SLC29A4: variants seen among roughly 807,000 people sequenced by gnomAD.
The protein encoded by SLC29A4 is equilibrative nucleoside transporter 4.
In SLC29A4, 36 loss-of-function variants were observed where a neutral mutation model predicts 43.9. That is an observed-to-expected ratio of 0.82 (90% CI 0.63 to 1.08). The LOEUF (loss-of-function observed/expected upper bound fraction) is 1.08, where lower values mean the gene tolerates loss of function less well. SLC29A4 is among the 50% of genes least tolerant of loss of function. The pLI is 0.00. For missense variants in SLC29A4, 869 were observed against 755.3 expected, an observed-to-expected ratio of 1.15 and a Z score of -1.77; for synonymous variants, 491 against 338.0, an observed-to-expected ratio of 1.45 and a Z score of -4.97.
chr7:5,283,134 C>G (rs1784746774), intron 1 of SLC29A4, 52 bp downstream of exon 1: 1 of 149,762 alleles, frequency 6.7e-6, no homozygotes, highest in Admixed American at 6.6e-5. Flanking sequence ...CCTGTCGGAG[C>G]CTTTGTCTGC....
At chr7:5,286,877 C>T (rs1391816418) in intron 1 of SLC29A4, among the ~76,000 whole-genome samples, 1 of 152,244 alleles carries the variant, frequency 6.6e-6, no homozygotes, top group African/African-American at 2.4e-5. Flanking sequence ...GCAGCTTCCT[C>T]CCAGAGGACA....
Position 5,296,973 on chromosome 7 carries a change from C to G in SLC29A4, c.657C>G (p.Leu219=), listed in dbSNP as rs773912373. Reference sequence around the variant, plus strand: ...TGATGATCTCTCTGAGCCGCATCCTCACGAAGCTGCTGCTGCCCGACGAGC... The same window carrying G: ...TGATGATCTCTCTGAGCCGCATCCTGACGAAGCTGCTGCTGCCCGACGAGC... ...AGVMISLSRI[L]TKLLLPDERA... Residue 219 remains leucine, a synonymous_variant, in exon 7 of 11, where the codon CTC becomes CTG. Transcript: ENST00000396872. The G allele has an allele frequency of 1.2e-6, 2 of 1,600,692 alleles. No individual in the cohort carries two copies. Among genetic ancestry groups the G allele is most frequent in the Non-Finnish European group, 1.7e-6 (2 of 1,179,164 alleles).
rs1216337543 is a variant in SLC29A4, at chr7:5,291,070, T to TC, written c.302-53dup. 1.9e-6 allele frequency: 3 copies of TC among 1,591,754 alleles called. No homozygotes were observed. In the African/African-American group the frequency reaches 4.0e-5, roughly 21 times the overall value. ...TCTGGGAGGTCTCACCTGGCAGGAG[T>TC]CAGTGCAGGGGGTGGGGCCTCCCTG... On this transcript the variant is annotated intron_variant, in intron 3 of 10. Coordinates refer to ENST00000396872, the MANE Select transcript of SLC29A4 (RefSeq NM_153247.4).
chr7:5,295,215 A>G (rs1417240370), intron 6 of SLC29A4, among the ~76,000 whole-genome samples: 1 of 152,072 alleles, frequency 6.6e-6, no homozygotes, highest in African/African-American at 2.4e-5. Flanking sequence ...GTCTCTGAGC[A>G]TGTGGCTGGG....
At chr7:5,299,176 G>T in intron 8 of SLC29A4, 50 bp downstream of exon 8, 1 of 1,599,032 alleles carries the variant, frequency 6.3e-7, no homozygotes, top group Non-Finnish European at 8.5e-7. Context: ...CCAGGCAGGG[G>T]GTGGGGGAGG....
In SLC29A4 at chr7:5,300,553, C is replaced by T. The variant is rs1321119722; in HGVS notation, c.1341C>T (p.Ala447=). The T allele has an allele frequency of 1.2e-6, 2 of 1,612,304 alleles. No homozygotes were observed. Among genetic ancestry groups the T allele is most frequent in the African/African-American group, 1.3e-5 (1 of 74,880 alleles). The change falls in exon 10 of 11, where the codon GCC becomes GCT. Residue 447 remains alanine, a synonymous_variant. Transcript: ENST00000396872. The part of the protein sequence containing the change: ...PSGMPALRHP[A]WPCIFSLLMG... ...GCATGCCCGCCCTCCGTCACCCCGC[C>T]TGGCCCTGCATCTTCTCACTGCTCA...
intron 1 of SLC29A4, among the ~76,000 whole-genome samples, chr7:5,284,961 G>C (rs193093034): frequency 6.6e-6 from 1 of 152,322 alleles, no homozygotes; most frequent in Non-Finnish European, 1.5e-5. Flanking sequence ...GCTGAACACA[G>C]ACCAGGCCTT....
intron 1 of SLC29A4, among the ~76,000 whole-genome samples, chr7:5,284,794 C>A (rs1368647738): frequency 2.6e-5 from 4 of 152,192 alleles, no homozygotes; most frequent in Non-Finnish European, 4.4e-5. Flanking sequence ...CCCACTTTGC[C>A]GACTAAGCCA....
In SLC29A4 at chr7:5,303,157, GC is replaced by G; in HGVS notation, c.*220del. The G allele has an allele frequency of 1.6e-6, 1 of 615,192 alleles. No individual in the cohort carries two copies. Among genetic ancestry groups the G allele is most frequent in the Non-Finnish European group, 2.8e-6 (1 of 353,220 alleles). 38.1% of individuals were successfully genotyped at this position (615,192 alleles called of 1,614,324 possible). On this transcript the variant is annotated 3_prime_UTR_variant, in exon 11 of 11. Coordinates refer to ENST00000396872, the MANE Select transcript of SLC29A4 (RefSeq NM_153247.4). ...CACGTTTCTGCGACCCGGGGCTCTG[GC>G]CAGCACTGTGTTCTGCGTTTGGTCT...
Position 5,305,750 on chromosome 7 carries a change from T to A in SLC29A4, c.*2811T>A, listed in dbSNP as rs1391837137. Reference sequence around the variant, plus strand: ...TTTTGTGCTTTTAGTAGAGACGAGGTTTCTCCATGTTGGTCAGGCTGGTCT... The same window carrying A: ...TTTTGTGCTTTTAGTAGAGACGAGGATTCTCCATGTTGGTCAGGCTGGTCT... On this transcript the variant is annotated 3_prime_UTR_variant, in exon 11 of 11. Coordinates refer to ENST00000396872, the MANE Select transcript of SLC29A4 (RefSeq NM_153247.4). The A allele has an allele frequency of 1.3e-5, 2 of 148,826 alleles. No individual in the cohort carries two copies. Among genetic ancestry groups the A allele is most frequent in the Non-Finnish European group, 3.0e-5 (2 of 67,452 alleles). The allele number at this position is 148,826 out of a possible 1,614,324, so 9.2% of individuals were successfully genotyped here. A position where few individuals can be genotyped will look rare whatever the true frequency, so the allele number is the denominator to read the frequency against.
intron 6 of SLC29A4, among the ~76,000 whole-genome samples, chr7:5,296,276 C>T (rs114154582): frequency 6.6e-6 from 1 of 151,814 alleles, no homozygotes; most frequent in Non-Finnish European, 1.5e-5. Flanking sequence ...CATCTTGTTG[C>T]ATCCATCCTC....
chr7:5,284,092 G>A (rs546803241), intron 1 of SLC29A4, among the ~76,000 whole-genome samples: 2 of 147,688 alleles, frequency 1.4e-5, no homozygotes, highest in Non-Finnish European at 3.0e-5. Context: ...CTGCAAAGTG[G>A]TGAGGGGCCT....
rs770978854 is a variant in SLC29A4 at position 5,299,415 on chromosome 7, C to T, written c.1197C>T (p.Asp399=). The T allele has an allele frequency of 2.5e-6, 4 of 1,610,838 alleles. No individual in the cohort carries two copies. Among genetic ancestry groups the T allele is most frequent in the Admixed American group, 1.7e-5 (1 of 59,908 alleles). The change falls in exon 9 of 11, where the codon GAC becomes GAT. Residue 399 remains aspartate, a synonymous_variant. Coordinates refer to ENST00000396872, the MANE Select transcript of SLC29A4 (RefSeq NM_153247.4). Reference sequence around the variant, plus strand: ...TCATGGCTGTGTTCAACCTGTCAGACTTCGTGGGCAAGGTGGGCTGCCTGC... The same window carrying T: ...TCATGGCTGTGTTCAACCTGTCAGATTTCGTGGGCAAGGTGGGCTGCCTGC... ...ILIMAVFNLS[D]FVGKILAALP...
rs1184503134 is a variant in SLC29A4 at position 5,297,010 on chromosome 7, C to G, written c.694C>G (p.Leu232Val). 5.6e-6 allele frequency: 9 copies of G among 1,605,384 alleles called. No individual in the cohort carries two copies. Among genetic ancestry groups the G allele is most frequent in the Middle Eastern group, 2.1e-4 (1 of 4,826 alleles). ...LLLPDERAST[L>V]IFFLVSVALE... ...GCTGCCCGACGAGCGCGCCAGCACG[C>G]TCATCTTCTTCCTGGTGTCGGTGGC... The change falls in exon 7 of 11, where the codon CTC becomes GTC. Residue 232 changes from leucine (L) to valine (V), a missense_variant. Transcript: ENST00000396872.
intron 2 of SLC29A4, among the ~76,000 whole-genome samples, chr7:5,289,674 T>A (rs889074525): frequency 1.3e-5 from 2 of 152,078 alleles, no homozygotes; most frequent in African/African-American, 4.8e-5. Context: ...CTTGTCAAGG[T>A]GACCATAAAC....
At chr7:5,299,672 C>G (rs60849802) in intron 9 of SLC29A4, among the ~76,000 whole-genome samples, 1 of 152,052 alleles carries the variant, frequency 6.6e-6, no homozygotes, top group African/African-American at 2.4e-5. Flanking sequence ...CTCACCCTCT[C>G]GCCTCACGAT....
chr7:5,306,454 T>TA lies in SLC29A4; in HGVS notation c.*3518dup, dbSNP rs978255341. 3 of 151,300 alleles carry TA rather than the reference T, an allele frequency of 2.0e-5. No homozygotes were observed. Among genetic ancestry groups the TA allele is most frequent in the Admixed American group, 1.3e-4 (2 of 15,178 alleles). 9.4% of individuals were successfully genotyped at this position (151,300 alleles called of 1,614,324 possible). ...AAGTGATCCTCCCGCCTCGGCCTCC[T>TA]AAAGTGCTGGGATTACAGGCACGCT... On this transcript the variant is annotated 3_prime_UTR_variant, in exon 11 of 11. Transcript: ENST00000396872.
chr7:5,296,296 T>G (rs1217859617), intron 6 of SLC29A4, among the ~76,000 whole-genome samples: 1 of 151,476 alleles, frequency 6.6e-6, no homozygotes, highest in Admixed American at 6.6e-5. Flanking sequence ...CTTCCCACCC[T>G]GCGCCCGTGT....
intron 6 of SLC29A4, among the ~76,000 whole-genome samples, chr7:5,296,622 G>C (rs1464510269): frequency 8.2e-6 from 1 of 121,580 alleles, no homozygotes; most frequent in East Asian, 2.4e-4. Flanking sequence ...GGGCGTGGCT[G>C]AGTGGGGGCG....
Sources: gnomAD v4.1 joint callset for allele counts (sites outside exome capture counted in the v4.1 genomes callset) on GRCh38, gnomAD v4.1.1 for gene constraint, MANE v1.5 for transcripts, NCBI Gene and HGNC (gene_info 2026-07-23, HGNC 2026-07-21) for gene names.